The following LRRC4C variants were observed in gnomAD, a reference collection of about 807,000 sequenced individuals.
LRRC4C encodes leucine rich repeat containing 4C, also known as leucine-rich repeat-containing protein 4C.
Under a neutral mutation model 33.6 loss-of-function variants are expected in LRRC4C, and 5 were observed. The observed-to-expected ratio is 0.15, with a 90% confidence interval of 0.08 to 0.31. The LOEUF (loss-of-function observed/expected upper bound fraction) is 0.31. Ranked by LOEUF, LRRC4C falls within the 10% of genes least tolerant of loss-of-function variation. LRRC4C has a pLI of 1.00. For synonymous variants in LRRC4C, 329 were observed against 302.0 expected (o/e 1.09, Z -0.93); for missense variants, 560 against 796.7 (o/e 0.70, Z 3.58).
intron 3 of LRRC4C, among the ~76,000 whole-genome samples, chr11:40,512,763 G>A (rs1955381990): frequency 6.6e-6 from 1 of 152,150 alleles, no homozygotes; most frequent in South Asian, 2.1e-4. Flanking sequence ...GATAAATCAA[G>A]TCACTTTATC....
chr11:40,692,368 C>A (rs1019476131), intron 2 of LRRC4C, among the ~76,000 whole-genome samples: 1 of 151,900 alleles, frequency 6.6e-6, no homozygotes, highest in Non-Finnish European at 1.5e-5. Flanking sequence ...CACTTTCCAC[C>A]GGTTCTTTCA....
intron 1 of LRRC4C, among the ~76,000 whole-genome samples, chr11:41,270,249 T>G (rs1949278734): frequency 6.6e-6 from 1 of 152,144 alleles, no homozygotes; most frequent in African/African-American, 2.4e-5. Context: ...AACCTCACTC[T>G]GCACGTATCC....
At chr11:40,210,494 C>T (rs756488071) in intron 5 of LRRC4C, among the ~76,000 whole-genome samples, 72 of 152,098 alleles carry the variant, frequency 4.7e-4, no homozygotes, top group Non-Finnish European at 8.5e-4. Flanking sequence ...AAAGAGTGTT[C>T]AGCTTTCTAT....
rs181692538 is a variant in LRRC4C at position 40,344,522 on chromosome 11, C to T, written c.-269-24801G>A. Among the ~76,000 whole-genome samples the T allele has an allele frequency of 3.0e-3, 464 of 152,186 alleles. 1 individual carries two copies. Among genetic ancestry groups the T allele is most frequent in the Non-Finnish European group, 5.1e-3 (348 of 67,982 alleles). On this transcript the variant is annotated intron_variant, in intron 3 of 6. Transcript: ENST00000528697. ...TATACTCCAAAATAATAAGAGCCCT[C>T]TATGATAACCCACAGCCAACATCAT...
chr11:41,129,268 C>A (rs943886923), intron 1 of LRRC4C, among the ~76,000 whole-genome samples: 7 of 151,942 alleles, frequency 4.6e-5, no homozygotes, highest in African/African-American at 1.7e-4. Flanking sequence ...CTGCGAAGTG[C>A]ATGTTTGGCA....
At chr11:40,844,187 A>G (rs775276261) in intron 2 of LRRC4C, among the ~76,000 whole-genome samples, 47 of 152,244 alleles carry the variant, frequency 3.1e-4, no homozygotes, top group Non-Finnish European at 6.2e-4. Context: ...ATGTATACGT[A>G]TGTAACTAAC....
chr11:40,626,348 T>C, intron 3 of LRRC4C, among the ~76,000 whole-genome samples: 1 of 152,080 alleles, frequency 6.6e-6, no homozygotes, highest in Non-Finnish European at 1.5e-5. Context: ...TCCTGCTTTT[T>C]TTAAAAAGCT....
At chr11:41,188,335 T>C (rs1018092811) in intron 1 of LRRC4C, among the ~76,000 whole-genome samples, 28 of 152,042 alleles carry the variant, frequency 1.8e-4, no homozygotes, top group African/African-American at 6.5e-4. Context: ...AGTAAGCAAC[T>C]AAAAAAATAA....
chr11:40,577,649 G>C (rs946270214), intron 3 of LRRC4C, among the ~76,000 whole-genome samples: 1 of 151,960 alleles, frequency 6.6e-6, no homozygotes, highest in Non-Finnish European at 1.5e-5. Flanking sequence ...AAAGTCCAGG[G>C]ATACTGCTAA....
At chr11:40,733,317 C>T (rs1416827847) in intron 2 of LRRC4C, among the ~76,000 whole-genome samples, 2 of 151,898 alleles carry the variant, frequency 1.3e-5, no homozygotes, top group Non-Finnish European at 2.9e-5. Flanking sequence ...CCTCCTGATC[C>T]GCCCTCCTCG....
At chr11:41,125,565 A>G (rs1306738383) in intron 1 of LRRC4C, among the ~76,000 whole-genome samples, 2 of 152,212 alleles carry the variant, frequency 1.3e-5, no homozygotes, top group East Asian at 3.8e-4. Context: ...TAGATTGAAA[A>G]AAAAGCCACT....
At chr11:41,004,266 T>A (rs553475522) in intron 1 of LRRC4C, among the ~76,000 whole-genome samples, 1 of 152,302 alleles carries the variant, frequency 6.6e-6, no homozygotes, top group South Asian at 2.1e-4. Flanking sequence ...AAGCATCAAA[T>A]TTAATGGCCC....
At chr11:40,738,475 T>G (rs1012990121) in intron 2 of LRRC4C, among the ~76,000 whole-genome samples, 7 of 152,164 alleles carry the variant, frequency 4.6e-5, no homozygotes, top group Non-Finnish European at 8.8e-5. Flanking sequence ...ATACAGAGTA[T>G]AGATCATTCA....
At chr11:40,545,373 G>A (rs184153713) in intron 3 of LRRC4C, among the ~76,000 whole-genome samples, 43 of 151,994 alleles carry the variant, frequency 2.8e-4, no homozygotes, top group African/African-American at 9.9e-4. Flanking sequence ...TTACTTTCAA[G>A]CATTTCTTTG....
rs532399900 is a variant in LRRC4C, at chr11:40,387,925, C to T, written c.-269-68204G>A. On this transcript the variant is annotated intron_variant, in intron 3 of 6. Transcript: ENST00000528697. Reference sequence around the variant, plus strand: ...TAATTTCCACAGAGATTTTCTTTTGCCTCAAACATTCCATCTTATTTTACC... The same window carrying T: ...TAATTTCCACAGAGATTTTCTTTTGTCTCAAACATTCCATCTTATTTTACC... Among the ~76,000 whole-genome samples, 6 of 152,186 alleles carry T rather than the reference C, an allele frequency of 3.9e-5. No homozygotes were observed. The South Asian group carries it at 1.0e-3, about 26-fold the overall frequency.
intron 4 of LRRC4C, among the ~76,000 whole-genome samples, chr11:40,285,463 A>G (rs1011764749): frequency 3.3e-5 from 5 of 152,194 alleles, no homozygotes; most frequent in African/African-American, 1.2e-4. Context: ...GGTTTACAGC[A>G]CATCGTATCT....
At chr11:41,422,370 C>A (rs1459482203) in intron 1 of LRRC4C, among the ~76,000 whole-genome samples, 2 of 152,010 alleles carry the variant, frequency 1.3e-5, no homozygotes, top group South Asian at 2.1e-4. Context: ...ACCCATAAGA[C>A]CTGTAGGGAG....
rs185773760 is a variant in LRRC4C at position 40,724,346 on chromosome 11, G to A, written c.-406-76068C>T. On this transcript the variant is annotated intron_variant, in intron 2 of 6. Coordinates refer to ENST00000528697, the MANE Select transcript of LRRC4C (RefSeq NM_001258419.2). ...CACAGAACATACTCCAAGACCAAGC[G>A]TGTGCTTGGTGATAAAGCAAGTCTC... is the stretch of plus-strand genomic sequence containing the variant. 1.1e-4 allele frequency among the ~76,000 whole-genome samples: 17 copies of A among 152,160 alleles called. No homozygotes were observed. In the East Asian group the frequency reaches 2.9e-3, roughly 26 times the overall value.
chr11:40,218,169 C>G (rs542954680), intron 5 of LRRC4C, among the ~76,000 whole-genome samples: 8 of 152,010 alleles, frequency 5.3e-5, no homozygotes, highest in African/African-American at 1.7e-4. Context: ...GTTTTTTATC[C>G]CAAAATGTTT....
Sources: allele counts gnomAD v4.1 joint callset (sites outside exome capture counted in the v4.1 genomes callset), GRCh38; gene constraint gnomAD v4.1.1; transcripts MANE v1.5; gene names NCBI Gene and HGNC (gene_info 2026-07-23, HGNC 2026-07-21).